The following PLEKHA8 variants were observed in gnomAD, a reference collection of about 807,000 sequenced individuals.
PLEKHA8 encodes pleckstrin homology domain-containing family A member 8.
In PLEKHA8, 36 loss-of-function variants were observed where a neutral mutation model predicts 68.2. The ratio of observed to expected loss-of-function variants is 0.53; its 90% confidence interval spans 0.40 to 0.70. The LOEUF (loss-of-function observed/expected upper bound fraction) is 0.70, where lower values mean the gene tolerates loss of function less well. Ranked by LOEUF, PLEKHA8 falls within the 30% of genes least tolerant of loss-of-function variation. The probability of loss-of-function intolerance (pLI) is 0.00; values close to 1 mark genes in which losing one functional copy is unlikely to be tolerated. For synonymous variants in PLEKHA8, 211 were observed against 216.1 expected, an observed-to-expected ratio of 0.98 and a Z score of 0.20; for missense variants, 505 against 615.4, an observed-to-expected ratio of 0.82 and a Z score of 1.90.
chr7:30,069,843 G>C (rs935169157), intron 12 of PLEKHA8: 36 of 152,124 alleles, frequency 2.4e-4, no homozygotes, highest in Admixed American at 7.9e-4. Context: ...GATTGTCAAG[G>C]CTTCCTACTT....
chr7:30,112,171 G>A (rs898279055), intron 13 of PLEKHA8, among the ~76,000 whole-genome samples: 1 of 152,118 alleles, frequency 6.6e-6, no homozygotes, highest in Non-Finnish European at 1.5e-5. Context: ...ATATTCAACA[G>A]TTCTGATTTT....
At chr7:30,105,305 T>C (rs929915974) in intron 13 of PLEKHA8, among the ~76,000 whole-genome samples, 2 of 117,194 alleles carry the variant, frequency 1.7e-5, no homozygotes, top group Non-Finnish European at 3.4e-5. Context: ...ACCCTATCTC[T>C]ATAATTAAAA....
chr7:30,078,454 A>C, intron 13 of PLEKHA8, 136 bp from the exon 14 acceptor site: 2 of 859,420 alleles, frequency 2.3e-6, no homozygotes, highest in Non-Finnish European at 3.6e-6. Flanking sequence ...TTAGAAGGGT[A>C]GTCATATTTC....
At chr7:30,094,567 G>T (rs1469965277), downstream of PLEKHA8, among the ~76,000 whole-genome samples, 1 of 151,646 alleles carries the variant, frequency 6.6e-6, no homozygotes, top group African/African-American at 2.4e-5. Context: ...CAACTTGCAG[G>T]TTTGTTACAT....
intron 13 of PLEKHA8, among the ~76,000 whole-genome samples, chr7:30,109,243 C>T (rs761709032): frequency 3.9e-5 from 6 of 152,096 alleles, no homozygotes; most frequent in African/African-American, 7.2e-5. Flanking sequence ...CCCATATAAC[C>T]TTCACCCAGT....
downstream of PLEKHA8, among the ~76,000 whole-genome samples, chr7:30,092,710 C>T (rs117241129): frequency 1.6e-3 from 243 of 152,322 alleles, no homozygotes; most frequent in South Asian, 8.9e-3. Flanking sequence ...GTTGGGCCGC[C>T]GGTCACAGTC....
Position 30,081,750 on chromosome 7 carries a change from A to T in PLEKHA8, c.*2963A>T. The T allele has an allele frequency of 1.0e-6, 1 of 985,406 alleles. No homozygotes were observed. The highest frequency in any genetic ancestry group is 1.2e-6 in the Non-Finnish European group (1 of 829,884). 61.0% of individuals were successfully genotyped at this position (985,406 alleles called of 1,614,324 possible). ...AGGAAATTGGTCTACTAGGTATTGT[A>T]GACACAAATAAGTAACATTAGGCTA... On this transcript the variant is annotated 3_prime_UTR_variant, in exon 14 of 14. Transcript: ENST00000449726.
chr7:30,094,046 G>A (rs544428187), downstream of PLEKHA8, among the ~76,000 whole-genome samples: 1 of 152,328 alleles, frequency 6.6e-6, no homozygotes, highest in South Asian at 2.1e-4. Context: ...GTTAAGTTAT[G>A]ATGGAATGGT....
intron 1 of PLEKHA8, among the ~76,000 whole-genome samples, chr7:30,032,792 T>C (rs1439081192): frequency 1.3e-5 from 2 of 152,248 alleles, no homozygotes; most frequent in Non-Finnish European, 2.9e-5. Flanking sequence ...ACCTGTGCTT[T>C]CTACTTTGTA....
chr7:30,060,852 T>G (rs779251175), intron 9 of PLEKHA8, 32 bp from the exon 10 acceptor site: 3 of 1,594,820 alleles, frequency 1.9e-6, no homozygotes, highest in Admixed American at 1.8e-5. Context: ...AAAAATTGCT[T>G]TTTCAGAAAT....
rs1790746640 is a variant in PLEKHA8 at position 30,032,560 on chromosome 7, A to G, written c.40+3758A>G. On this transcript the variant is annotated intron_variant, in intron 1 of 13. Coordinates refer to ENST00000449726, the MANE Select transcript of PLEKHA8 (RefSeq NM_001197026.2). ...CTGAAGGTCACACAGCCACTTATTA[A>G]GTGGCTTCAGAGTCAGTGCTCCATT... Among the ~76,000 whole-genome samples, 4 of 152,344 alleles carry G rather than the reference A, an allele frequency of 2.6e-5. No individual in the cohort carries two copies. In the South Asian group the frequency reaches 8.3e-4, roughly 32 times the overall value.
In PLEKHA8 at chr7:30,079,496, C is replaced by T. The variant is rs73305164; in HGVS notation, c.*709C>T. 2.5e-4 allele frequency: 242 copies of T among 984,120 alleles called. No individual in the cohort carries two copies. The African/African-American group carries it at 4.1e-3, about 17-fold the overall frequency. The allele number at this position is 984,120 out of a possible 1,614,324, so 61.0% of individuals were successfully genotyped here. ...GTGGGACAGGTCATTTGAGATGACA[C>T]CTCCCAACTGCCTACCATTTACCAG... On this transcript the variant is annotated 3_prime_UTR_variant, in exon 14 of 14. Coordinates refer to ENST00000449726, the MANE Select transcript of PLEKHA8 (RefSeq NM_001197026.2).
chr7:30,061,962 C>T lies in PLEKHA8; in HGVS notation c.1164C>T (p.His388=), dbSNP rs777454196. The T allele has an allele frequency of 1.4e-5, 23 of 1,613,928 alleles. No homozygotes were observed. In the East Asian group the frequency reaches 3.8e-4, roughly 27 times the overall value. ...CCACTCTCCAGAAGATAGTGCTGCACGAAGTGGAGGCGGATGTAGCCCAGG... is the reference window on the plus strand; with the variant it reads ...CCACTCTCCAGAAGATAGTGCTGCATGAAGTGGAGGCGGATGTAGCCCAGG... ...EFTTLQKIVL[H]EVEADVAQVR... is the part of the protein sequence containing the mutation. Residue 388 remains histidine (H), a synonymous_variant, in exon 11 of 14, where the codon CAC becomes CAT. Transcript: ENST00000449726.
At chr7:30,070,085 G>A (rs1794132726) in intron 12 of PLEKHA8, among the ~76,000 whole-genome samples, 1 of 151,766 alleles carries the variant, frequency 6.6e-6, no homozygotes, top group Non-Finnish European at 1.5e-5. Context: ...GTCTCACATG[G>A]CAGGGATATT....
rs1562870092 is a variant in PLEKHA8 at position 30,056,331 on chromosome 7, T to TATATAA, written c.1039+990_1039+991insTATAAA. On this transcript the variant is annotated intron_variant, in intron 9 of 13. Coordinates refer to ENST00000449726, the MANE Select transcript of PLEKHA8 (RefSeq NM_001197026.2). ...CTCTCTCTATATATATATATATATATAAATAACATATATATAATATATATA... is the reference window on the plus strand; with the variant it reads ...CTCTCTCTATATATATATATATATATATATAAAAATAACATATATATAATATATATA... 3.4e-4 allele frequency among the ~76,000 whole-genome samples: 45 copies of TATATAA among 130,438 alleles called. 1 individual carries two copies. Among genetic ancestry groups the TATATAA allele is most frequent in the Non-Finnish European group, 6.4e-5 (4 of 62,062 alleles). The allele number at this position is 130,438 out of a possible 152,430, so 85.6% of individuals were successfully genotyped here. A position where few individuals can be genotyped will look rare whatever the true frequency, so the allele number is the denominator to read the frequency against.
intron 13 of PLEKHA8, among the ~76,000 whole-genome samples, chr7:30,107,933 G>A (rs537629049): frequency 6.6e-6 from 1 of 152,088 alleles, no homozygotes; most frequent in East Asian, 1.9e-4. Context: ...GCTGGGTGTG[G>A]TGATGCATGC....
Position 30,052,803 on chromosome 7 carries a change from T to C in PLEKHA8, c.733T>C (p.Leu245=). 1 of 1,569,072 alleles carries C rather than the reference T, an allele frequency of 6.4e-7. No homozygotes were observed. Among genetic ancestry groups the C allele is most frequent in the Non-Finnish European group, 8.6e-7 (1 of 1,166,374 alleles). ...AATGAAAAATAAGAATTCCTTATAT[T>C]TGAAATCTGCAGAGATAGACTGCAG... ...ILMKNKNSLY[L]KSAEIDCSIS... The change falls in exon 7 of 14, where the codon TTG becomes CTG. Residue 245 remains leucine (L), a synonymous_variant. Coordinates refer to ENST00000449726, the MANE Select transcript of PLEKHA8 (RefSeq NM_001197026.2).
downstream of PLEKHA8, among the ~76,000 whole-genome samples, chr7:30,084,979 C>T (rs1444172804): frequency 6.7e-6 from 1 of 148,724 alleles, no homozygotes; most frequent in African/African-American, 2.5e-5. Flanking sequence ...CAGTCTTGCT[C>T]TGTTGCCCAG....
Position 30,082,191 on chromosome 7 carries a change from A to T in PLEKHA8, c.*3404A>T. Reference sequence around the variant, plus strand: ...TTATCATTTTTTGCATGTTATTCTGATTATTAAACTTCCCCCAATGTCATA... The same window carrying T: ...TTATCATTTTTTGCATGTTATTCTGTTTATTAAACTTCCCCCAATGTCATA... On this transcript the variant is annotated 3_prime_UTR_variant, in exon 14 of 14. Transcript: ENST00000449726. 1.0e-6 allele frequency: 1 copy of T among 985,300 alleles called. No individual in the cohort carries two copies. The highest frequency in any genetic ancestry group is 1.2e-6 in the Non-Finnish European group (1 of 829,892). 61.0% of individuals were successfully genotyped at this position (985,300 alleles called of 1,614,324 possible).
Sources: allele counts gnomAD v4.1 joint callset (sites outside exome capture counted in the v4.1 genomes callset), GRCh38; gene constraint gnomAD v4.1.1; transcripts MANE v1.5; gene names NCBI Gene and HGNC (gene_info 2026-07-23, HGNC 2026-07-21).